Variants in OPCML observed in about 807,000 individuals in gnomAD.
OPCML encodes the protein opioid-binding protein/cell adhesion molecule.
OPCML carries 13 observed loss-of-function variants against 37.8 expected under a neutral mutation model. That is an observed-to-expected ratio of 0.34 (90% CI 0.22 to 0.55). The LOEUF is 0.55. Among genes scored for constraint, OPCML ranks in the 20% least tolerant of loss-of-function variants. The pLI is 0.91. For missense variants in OPCML, 341 were observed against 435.6 expected, an observed-to-expected ratio of 0.78 and a Z score of 1.93; for synonymous variants, 176 against 168.8, an observed-to-expected ratio of 1.04 and a Z score of -0.33.
intron 4 of OPCML, among the ~76,000 whole-genome samples, chr11:132,465,321 G>C (rs969839387): frequency 5.3e-5 from 8 of 152,106 alleles, no homozygotes. Flanking sequence ...CTCTCCGCTA[G>C]GGTACCTGAG....
intron 1 of OPCML, among the ~76,000 whole-genome samples, chr11:133,415,887 G>A (rs1385876836): frequency 6.6e-6 from 1 of 152,188 alleles, no homozygotes; most frequent in African/African-American, 2.4e-5. Flanking sequence ...AGCTGATGCT[G>A]GGCCCAGCTG....
At chr11:132,541,112 G>A (rs1434010934) in intron 3 of OPCML, among the ~76,000 whole-genome samples, 1 of 152,190 alleles carries the variant, frequency 6.6e-6, no homozygotes, top group African/African-American at 2.4e-5. Context: ...AAGTACTTTG[G>A]TTCCAGTCCC....
At chr11:132,975,937 A>G (rs1946452991) in intron 1 of OPCML, among the ~76,000 whole-genome samples, 1 of 151,846 alleles carries the variant, frequency 6.6e-6, no homozygotes, top group Non-Finnish European at 1.5e-5. Context: ...TGCCCGGCTA[A>G]TTTTTTGTAT....
At chr11:132,580,547 T>C (rs1025433043) in intron 3 of OPCML, among the ~76,000 whole-genome samples, 6 of 152,218 alleles carry the variant, frequency 3.9e-5, no homozygotes, top group Admixed American at 2.6e-4. Context: ...TCTTAAGGTG[T>C]ATATTTTTAA....
chr11:133,325,575 C>G (rs1007702747), intron 1 of OPCML, among the ~76,000 whole-genome samples: 5 of 151,952 alleles, frequency 3.3e-5, no homozygotes, highest in Non-Finnish European at 7.4e-5. Flanking sequence ...CATATATATC[C>G]CACTTTTAGT....
At chr11:132,631,632 T>G (rs1037904901) in intron 3 of OPCML, among the ~76,000 whole-genome samples, 43 of 151,222 alleles carry the variant, frequency 2.8e-4, no homozygotes, top group Non-Finnish European at 5.5e-4. Context: ...GCTAATTTTT[T>G]TTTTTTATTT....
chr11:133,189,828 A>C (rs922429784), intron 1 of OPCML, among the ~76,000 whole-genome samples: 1 of 152,200 alleles, frequency 6.6e-6, no homozygotes, highest in Non-Finnish European at 1.5e-5. Flanking sequence ...CAAAACAAAC[A>C]AACAAAACAC....
intron 3 of OPCML, among the ~76,000 whole-genome samples, chr11:132,562,587 G>T (rs974327577): frequency 2.0e-5 from 3 of 152,058 alleles, no homozygotes; most frequent in African/African-American, 7.2e-5. Flanking sequence ...TTATATATAG[G>T]TTACATCTCA....
intron 1 of OPCML, among the ~76,000 whole-genome samples, chr11:132,994,199 C>T (rs1401121740): frequency 2.6e-5 from 4 of 152,338 alleles, no homozygotes; most frequent in East Asian, 3.9e-4. Context: ...CGGGAGTCCC[C>T]GCGCCGCAGC....
intron 1 of OPCML, among the ~76,000 whole-genome samples, chr11:133,167,527 CT>C (rs67384165): frequency 0.4 from 57,270 of 143,318 alleles, 11,695 homozygotes; most frequent in South Asian, 0.54. Flanking sequence ...CTTTCTTTCT[CT>C]TTTTTTTTTT....
chr11:133,015,994 C>T (rs915436489), intron 1 of OPCML, among the ~76,000 whole-genome samples: 8 of 152,164 alleles, frequency 5.3e-5, no homozygotes, highest in Admixed American at 1.3e-4. Flanking sequence ...CTCCTTGTGC[C>T]CATCCCTTTA....
chr11:133,465,294 C>T (rs190889966), intron 1 of OPCML, among the ~76,000 whole-genome samples: 13 of 152,246 alleles, frequency 8.5e-5, no homozygotes, highest in Admixed American at 3.3e-4. Flanking sequence ...CTCCTCCTTA[C>T]CTTGTGCATA....
At chr11:132,557,295 C>T (rs1268767677) in intron 3 of OPCML, among the ~76,000 whole-genome samples, 1 of 152,146 alleles carries the variant, frequency 6.6e-6, no homozygotes, top group Non-Finnish European at 1.5e-5. Flanking sequence ...TCTCCTCAGT[C>T]GTAGAGGGAG....
intron 1 of OPCML, among the ~76,000 whole-genome samples, chr11:132,985,633 C>CA (rs1256415733): frequency 6.6e-6 from 1 of 152,176 alleles, no homozygotes; most frequent in African/African-American, 2.4e-5. Context: ...ACATATGATG[C>CA]AAAATCTCTT....
chr11:132,587,755 T>TGTGA (rs1204176779), intron 3 of OPCML, among the ~76,000 whole-genome samples: 1 of 152,142 alleles, frequency 6.6e-6, no homozygotes, highest in Non-Finnish European at 1.5e-5. Context: ...CTAATGGAAT[T>TGTGA]GTGAGTGGCT....
intron 2 of OPCML, among the ~76,000 whole-genome samples, chr11:132,839,978 G>A (rs1469954135): frequency 6.6e-6 from 1 of 152,134 alleles, no homozygotes; most frequent in Non-Finnish European, 1.5e-5. Context: ...AAGTGTCTTG[G>A]TTTGCTGGGA....
At chr11:132,675,218 T>C (rs1439377440) in intron 2 of OPCML, among the ~76,000 whole-genome samples, 1 of 150,518 alleles carries the variant, frequency 6.6e-6, no homozygotes, top group East Asian at 1.9e-4. Context: ...TATATATATA[T>C]AAAACGTTAT....
intron 1 of OPCML, among the ~76,000 whole-genome samples, chr11:133,058,726 G>A (rs565006859): frequency 8.5e-4 from 129 of 152,326 alleles, no homozygotes; most frequent in Admixed American, 2.5e-3. Context: ...CCCAGTAGAG[G>A]CCAGTAGTCT....
intron 2 of OPCML, among the ~76,000 whole-genome samples, chr11:132,790,776 G>T (rs372132053): frequency 6.6e-6 from 1 of 152,176 alleles, no homozygotes; most frequent in East Asian, 1.9e-4. Flanking sequence ...TTCAGATGGG[G>T]CACAGCTTGG....
Sources: allele counts gnomAD v4.1 joint callset (sites outside exome capture counted in the v4.1 genomes callset), GRCh38; gene constraint gnomAD v4.1.1; transcripts MANE v1.5; gene names NCBI Gene and HGNC (gene_info 2026-07-23, HGNC 2026-07-21).